CCSER1: variants seen among roughly 807,000 people sequenced by gnomAD.
The protein encoded by CCSER1 is serine-rich coiled-coil domain-containing protein 1.
Under a neutral mutation model 82.0 loss-of-function variants are expected in CCSER1, and 41 were observed. That is an observed-to-expected ratio of 0.50 (90% CI 0.39 to 0.65). The LOEUF is 0.65. Ranked by LOEUF, CCSER1 falls within the 30% of genes least tolerant of loss-of-function variation. CCSER1 has a pLI of 0.00. For missense variants in CCSER1, 1,119 were observed against 1,064.2 expected (o/e 1.05, Z -0.72); for synonymous variants, 414 against 383.9 (o/e 1.08, Z -0.92).
intron 10 of CCSER1, among the ~76,000 whole-genome samples, chr4:91,523,146 G>C (rs187688342): frequency 1.3e-5 from 2 of 151,934 alleles, no homozygotes; most frequent in African/African-American, 2.4e-5. Context: ...TGGTTTTGTC[G>C]TTTAGTTCTG....
At chr4:91,489,625 C>T (rs1187868889) in intron 10 of CCSER1, among the ~76,000 whole-genome samples, 1 of 151,908 alleles carries the variant, frequency 6.6e-6, no homozygotes, top group African/African-American at 2.4e-5. Flanking sequence ...ACCAACAGGA[C>T]AGAACCCCAT....
chr4:90,533,495 T>C (rs1160151765), intron 5 of CCSER1, among the ~76,000 whole-genome samples: 3 of 152,230 alleles, frequency 2.0e-5, no homozygotes, highest in Non-Finnish European at 4.4e-5. Flanking sequence ...GAATGCCTTC[T>C]GCTCTCTTTG....
intron 10 of CCSER1, among the ~76,000 whole-genome samples, chr4:91,181,100 G>A (rs529906712): frequency 2.0e-5 from 3 of 152,332 alleles, no homozygotes; most frequent in South Asian, 2.1e-4. Flanking sequence ...GGGCATTAGG[G>A]CCATTATGAA....
chr4:91,201,735 G>C (rs1404045139), intron 10 of CCSER1, among the ~76,000 whole-genome samples: 3 of 152,118 alleles, frequency 2.0e-5, no homozygotes, highest in African/African-American at 7.2e-5. Flanking sequence ...ATGTATGTAA[G>C]GGGAATGGTA....
intron 10 of CCSER1, among the ~76,000 whole-genome samples, chr4:91,565,604 A>C (rs1281904718): frequency 6.6e-6 from 1 of 151,658 alleles, no homozygotes; most frequent in Non-Finnish European, 1.5e-5. Flanking sequence ...TTCATTGTAG[A>C]GATCTTTCAC....
intron 10 of CCSER1, among the ~76,000 whole-genome samples, chr4:91,481,879 A>T (rs1160770570): frequency 1.3e-5 from 2 of 152,180 alleles, no homozygotes; most frequent in African/African-American, 4.8e-5. Flanking sequence ...TACTCATCTG[A>T]CAAAGGGCTA....
At chr4:90,632,982 C>T (rs1724713744) in intron 6 of CCSER1, among the ~76,000 whole-genome samples, 1 of 152,020 alleles carries the variant, frequency 6.6e-6, no homozygotes, top group Non-Finnish European at 1.5e-5. Context: ...TTCCTAATTG[C>T]CCTTACAAGT....
At chr4:90,271,856 ATATATATTTTTTTTTTTTTTTTTTT>A (rs1726516150) in intron 1 of CCSER1, among the ~76,000 whole-genome samples, 1 of 26,112 alleles carries the variant, frequency 3.8e-5, no homozygotes, top group Admixed American at 4.2e-4. Flanking sequence ...ATATATATAT[ATATATATTTTTTTTTTTTTTTTTTT>A]TTTTTTTTTA....
chr4:90,273,765 C>T (rs1056440207), intron 1 of CCSER1, among the ~76,000 whole-genome samples: 48 of 152,056 alleles, frequency 3.2e-4, no homozygotes, highest in African/African-American at 1.1e-3. Flanking sequence ...ATAGTGATTT[C>T]CTCTTCTGCA....
chr4:90,713,849 C>G (rs188992658), intron 6 of CCSER1, among the ~76,000 whole-genome samples: 58 of 151,988 alleles, frequency 3.8e-4, no homozygotes, highest in Non-Finnish European at 7.5e-4. Context: ...TATTTTCATT[C>G]TTTTTTCTTT....
At chr4:90,297,431 A>T (rs1261130816) in intron 1 of CCSER1, among the ~76,000 whole-genome samples, 1 of 152,010 alleles carries the variant, frequency 6.6e-6, no homozygotes, top group Non-Finnish European at 1.5e-5. Flanking sequence ...TAATCATGTC[A>T]TCTGCAAACA....
At chr4:90,560,561 G>A (rs1248238886) in intron 5 of CCSER1, among the ~76,000 whole-genome samples, 2 of 152,058 alleles carry the variant, frequency 1.3e-5, no homozygotes, top group Non-Finnish European at 2.9e-5. Context: ...AGACAATGTG[G>A]TTGGTCTTCA....
intron 5 of CCSER1, among the ~76,000 whole-genome samples, chr4:90,533,297 G>T (rs967862998): frequency 6.6e-6 from 1 of 151,650 alleles, no homozygotes; most frequent in Non-Finnish European, 1.5e-5. Context: ...GGGTTTCACC[G>T]TGTTAGCCAG....
At chr4:90,656,346 A>G (rs1729700969) in intron 6 of CCSER1, among the ~76,000 whole-genome samples, 1 of 151,338 alleles carries the variant, frequency 6.6e-6, no homozygotes, top group African/African-American at 2.4e-5. Context: ...TATTCTGTCA[A>G]TTTTTTAATA....
intron 10 of CCSER1, among the ~76,000 whole-genome samples, chr4:91,246,273 T>C (rs1163188331): frequency 6.6e-6 from 1 of 152,198 alleles, no homozygotes; most frequent in Non-Finnish European, 1.5e-5. Context: ...TGTCTGTTTG[T>C]ATACAGAATC....
chr4:90,187,309 A>G (rs138851453), intron 1 of CCSER1, among the ~76,000 whole-genome samples: 152 of 151,812 alleles, frequency 1.0e-3, no homozygotes, highest in Admixed American at 1.8e-3. Context: ...TAAAATAATC[A>G]TATGTCTTAA....
chr4:90,788,833 G>C (rs1399129723), intron 7 of CCSER1, among the ~76,000 whole-genome samples: 2 of 152,152 alleles, frequency 1.3e-5, no homozygotes, highest in Admixed American at 6.5e-5. Context: ...TAAAAGATTA[G>C]TTTATTTCCT....
intron 7 of CCSER1, among the ~76,000 whole-genome samples, chr4:90,728,614 C>T (rs567941224): frequency 2.6e-5 from 4 of 152,140 alleles, no homozygotes; most frequent in East Asian, 1.9e-4. Flanking sequence ...GCAGGAGGTT[C>T]GCTTGAGCTC....
chr4:90,984,212 C>T (rs1157639253), intron 9 of CCSER1, among the ~76,000 whole-genome samples: 2 of 151,844 alleles, frequency 1.3e-5, no homozygotes, highest in South Asian at 2.1e-4. Context: ...CTTAAAGGTG[C>T]GTTGTTGAGA....
Sources: gnomAD v4.1 joint callset for allele counts (sites outside exome capture counted in the v4.1 genomes callset) on GRCh38, gnomAD v4.1.1 for gene constraint, MANE v1.5 for transcripts, NCBI Gene and HGNC (gene_info 2026-07-23, HGNC 2026-07-21) for gene names.